CCDC171: variants seen among roughly 807,000 people sequenced by gnomAD.
CCDC171 encodes coiled-coil domain containing 171, also known as coiled-coil domain-containing protein 171.
Under a neutral mutation model 168.2 loss-of-function variants are expected in CCDC171, and 177 were observed. That is an observed-to-expected ratio of 1.05 (90% CI 0.93 to 1.19). The LOEUF is 1.19. CCDC171 is among the 50% of genes most tolerant of loss of function. CCDC171 has a pLI of 0.00. For synonymous variants in CCDC171, 687 were observed against 540.8 expected, an observed-to-expected ratio of 1.27 and a Z score of -3.75; for missense variants, 1,991 against 1,539.0, an observed-to-expected ratio of 1.29 and a Z score of -4.91.
chr9:15,747,140 G>A (rs1281397111), intron 18 of CCDC171, among the ~76,000 whole-genome samples: 1 of 152,286 alleles, frequency 6.6e-6, no homozygotes, highest in Middle Eastern at 3.4e-3. Context: ...CCAAGTTGCC[G>A]GGAAGCTCAA....
intron 3 of CCDC171, among the ~76,000 whole-genome samples, chr9:15,989,524 C>G (rs556723450): frequency 6.6e-6 from 1 of 152,178 alleles, no homozygotes; most frequent in South Asian, 2.1e-4. Context: ...GAGGGCCTCT[C>G]CCCCTCCAAA....
At chr9:15,568,995 G>T (rs908446302) in intron 2 of CCDC171, among the ~76,000 whole-genome samples, 2 of 152,116 alleles carry the variant, frequency 1.3e-5, no homozygotes, top group African/African-American at 4.8e-5. Context: ...GGATGGTATT[G>T]CCTAGGTTGT....
chr9:15,752,871 C>G (rs1408954967), intron 18 of CCDC171, among the ~76,000 whole-genome samples: 2 of 151,642 alleles, frequency 1.3e-5, no homozygotes, highest in African/African-American at 2.4e-5. Context: ...TACATGTACC[C>G]CAGAACTTAA....
intron 6 of CCDC171, among the ~76,000 whole-genome samples, chr9:15,598,839 T>G (rs1267772469): frequency 6.6e-5 from 10 of 152,310 alleles, no homozygotes; most frequent in African/African-American, 2.4e-4. Flanking sequence ...GCTCCTGTAT[T>G]GGGTGCATAT....
intron 21 of CCDC171, among the ~76,000 whole-genome samples, chr9:15,824,364 G>GTA (rs2059925305): frequency 6.6e-6 from 1 of 151,768 alleles, no homozygotes; most frequent in Non-Finnish European, 1.5e-5. Flanking sequence ...ATATATATGT[G>GTA]TATATATATG....
chr9:15,896,691 A>C (rs971807047), intron 24 of CCDC171, among the ~76,000 whole-genome samples: 1 of 152,068 alleles, frequency 6.6e-6, no homozygotes, highest in African/African-American at 2.4e-5. Context: ...CATTATCACT[A>C]AAAAGCCCTT....
At chr9:15,885,993 A>T (rs1313114167) in intron 24 of CCDC171, 1 of 152,174 alleles carries the variant, frequency 6.6e-6, no homozygotes, top group Non-Finnish European at 1.5e-5. Flanking sequence ...TCCAACAGAG[A>T]TCCTAATTCT....
At chr9:15,947,981 C>T (rs1209963861) in intron 25 of CCDC171, among the ~76,000 whole-genome samples, 1 of 150,546 alleles carries the variant, frequency 6.6e-6, no homozygotes, top group Admixed American at 6.6e-5. Context: ...CCCGCTGCCC[C>T]CACCCCACAA....
intron 23 of CCDC171, among the ~76,000 whole-genome samples, chr9:15,861,352 C>A (rs1208778329): frequency 2.0e-5 from 3 of 151,254 alleles, no homozygotes; most frequent in African/African-American, 7.3e-5. Flanking sequence ...CCATTTTGTT[C>A]ATCATTTTCT....
the CCDC171 span, among the ~76,000 whole-genome samples, chr9:16,073,169 A>C: frequency 6.6e-6 from 1 of 152,220 alleles, no homozygotes; most frequent in African/African-American, 2.4e-5. Context: ...AGCTGCAAAT[A>C]AGGAACTGGA....
intron 24 of CCDC171, among the ~76,000 whole-genome samples, chr9:15,893,991 G>A (rs2131538936): frequency 6.6e-6 from 1 of 152,224 alleles, no homozygotes; most frequent in East Asian, 1.9e-4. Flanking sequence ...GTTCGTTGTA[G>A]CACTGTTCAC....
chr9:15,971,465 T>C, intron 25 of CCDC171, 144 bp from the exon 26 acceptor site: 1 of 574,238 alleles, frequency 1.7e-6, no homozygotes, highest in Non-Finnish European at 3.0e-6. Context: ...ATTTATATAT[T>C]CTCATGTAGA....
At chr9:16,087,313 T>G in the CCDC171 span, among the ~76,000 whole-genome samples, 1 of 152,142 alleles carries the variant, frequency 6.6e-6, no homozygotes, top group African/African-American at 2.4e-5. Context: ...TTGTTCTGTC[T>G]AATATTGACA....
At chr9:15,702,965 G>A (rs555475951) in intron 11 of CCDC171, among the ~76,000 whole-genome samples, 96 of 150,696 alleles carry the variant, frequency 6.4e-4, no homozygotes, top group Non-Finnish European at 1.1e-3. Flanking sequence ...GTGCAGTGGC[G>A]CGATCTCTGC....
intron 18 of CCDC171, among the ~76,000 whole-genome samples, chr9:15,763,114 A>G (rs910073007): frequency 6.6e-6 from 1 of 152,200 alleles, no homozygotes; most frequent in South Asian, 2.1e-4. Context: ...CAGTTTTATT[A>G]TAACAGAAGG....
the CCDC171 span, among the ~76,000 whole-genome samples, chr9:16,098,265 C>T: frequency 9.3e-4 from 141 of 152,304 alleles, no homozygotes; most frequent in Non-Finnish European, 1.5e-3. Flanking sequence ...GAGTTCATTA[C>T]ATTCAAGCAT....
At chr9:15,679,954 C>G (rs2049928440) in intron 10 of CCDC171, among the ~76,000 whole-genome samples, 1 of 152,120 alleles carries the variant, frequency 6.6e-6, no homozygotes, top group South Asian at 2.1e-4. Flanking sequence ...TTCTTTACAT[C>G]CTGTGATGCC....
In CCDC171 at chr9:15,721,765, C is replaced by G. The variant is rs2053495553; in HGVS notation, c.1319-4C>G. 6.6e-7 allele frequency: 1 copy of G among 1,520,480 alleles called. No homozygotes were observed. The allele number at this position is 1,520,480 out of a possible 1,614,324, so 94.2% of individuals were successfully genotyped here. ...GTATATTTTCATCCTATATTTTTCT[C>G]TAGGCATCCACAAGGACAAAGATAA... On this transcript the variant is annotated splice_polypyrimidine_tract_variant and splice_region_variant and intron_variant, in intron 11 of 25. Coordinates refer to ENST00000380701, the MANE Select transcript of CCDC171 (RefSeq NM_173550.4).
intron 20 of CCDC171, 78 bp from the exon 21 acceptor site, chr9:15,784,431 C>A: frequency 1.2e-6 from 1 of 856,098 alleles, no homozygotes; most frequent in Non-Finnish European, 1.8e-6. Context: ...GTATTATATT[C>A]CTTTAGTTTT....
Sources: gnomAD v4.1 joint callset for allele counts (sites outside exome capture counted in the v4.1 genomes callset) on GRCh38, gnomAD v4.1.1 for gene constraint, MANE v1.5 for transcripts, NCBI Gene and HGNC (gene_info 2026-07-23, HGNC 2026-07-21) for gene names.